MCMDC2: variants seen among roughly 807,000 people sequenced by gnomAD.
The protein encoded by MCMDC2 is minichromosome maintenance domain containing 2, also known as minichromosome maintenance domain-containing protein 2.
In MCMDC2, 54 loss-of-function variants were observed where a neutral mutation model predicts 75.8. The observed-to-expected ratio is 0.71, with a 90% CI of 0.57 to 0.89. The LOEUF (loss-of-function observed/expected upper bound fraction) is 0.89, where lower values mean the gene tolerates loss of function less well. MCMDC2 is among the 40% of genes least tolerant of loss of function. The pLI is 0.00. For missense variants in MCMDC2, 656 were observed against 780.4 expected, an observed-to-expected ratio of 0.84 and a Z score of 1.90; for synonymous variants, 249 against 274.6, an observed-to-expected ratio of 0.91 and a Z score of 0.92.
intron 7 of MCMDC2, among the ~76,000 whole-genome samples, chr8:66,880,260 G>A (rs1332263979): frequency 2.0e-5 from 3 of 152,120 alleles, no homozygotes; most frequent in African/African-American, 7.2e-5. Flanking sequence ...TGGGCATGGT[G>A]GTTTACACCT....
At chr8:66,924,933 G>A (rs554293781), downstream of MCMDC2, among the ~76,000 whole-genome samples, 1 of 152,284 alleles carries the variant, frequency 6.6e-6, no homozygotes, top group Admixed American at 6.5e-5. Flanking sequence ...CAGTTTCAAA[G>A]CCACTCACAA....
Position 66,880,960 on chromosome 8 carries a change from T to C in MCMDC2, c.821T>C (p.Phe274Ser). ...AVCIEANSITFCNSKVPSGIS... is the reference protein window; with the variant it reads ...AVCIEANSITSCNSKVPSGIS... ...TGTATAGAAGCAAATAGCATAACTT[T>C]TTGTAATTCAAAAGGTAAGGAAAAT... The change falls in exon 8 of 15, where the codon TTT (phenylalanine) becomes TCT (serine). Residue 274 changes from phenylalanine to serine, a missense_variant. Coordinates refer to ENST00000422365, the MANE Select transcript of MCMDC2 (RefSeq NM_173518.5). 6.6e-7 allele frequency: 1 copy of C among 1,517,294 alleles called. No homozygotes were observed. The highest frequency in any genetic ancestry group is 8.8e-7 in the Non-Finnish European group (1 of 1,137,494). The allele number at this position is 1,517,294 out of a possible 1,614,324, so 94.0% of individuals were successfully genotyped here. A position where few individuals can be genotyped will look rare whatever the true frequency, so the allele number is the denominator to read the frequency against.
chr8:66,892,058 G>C (rs1008891425), intron 10 of MCMDC2, among the ~76,000 whole-genome samples: 1 of 152,194 alleles, frequency 6.6e-6, no homozygotes, highest in Admixed American at 6.5e-5. Flanking sequence ...GCAGATGGTG[G>C]GGCACATGTT....
chr8:66,896,922 C>T lies in MCMDC2; in HGVS notation c.1589C>T (p.Ala530Val), dbSNP rs142662778. The T allele has an allele frequency of 5.7e-4, 911 of 1,610,706 alleles. 2 individuals carry two copies. The highest frequency in any genetic ancestry group is 5.1e-4 in the South Asian group (46 of 90,592). ...KAINPEGLFY[A>V]ASRQFTTEDF... ...ATTAATCCTGAAGGGCTGTTTTATG[C>T]GGCTTCTAGACAGTTCACAACTGAA... Residue 530 changes from alanine (A) to valine (V), a missense_variant, in exon 12 of 15, where the codon GCG becomes GTG. Ala to Val is a moderately conservative substitution (Grantham distance 64, BLOSUM62 0). Coordinates refer to ENST00000422365, the MANE Select transcript of MCMDC2 (RefSeq NM_173518.5).
intron 14 of MCMDC2, among the ~76,000 whole-genome samples, chr8:66,908,560 A>G (rs946032960): frequency 2.0e-5 from 3 of 152,146 alleles, no homozygotes; most frequent in Non-Finnish European, 2.9e-5. Context: ...TGAATTGAAG[A>G]ATTATAGTAT....
In MCMDC2 at chr8:66,877,412, G is replaced by A; in HGVS notation, c.349G>A (p.Glu117Lys). ...PLPSYGLDLC[E>K]FPLDYTSQRF... is the part of the protein sequence containing the mutation. Reference sequence around the variant, plus strand: ...GCCAAGTTATGGTCTTGATCTTTGTGAGTTTCCACTTGATTATACATCTCA... The same window carrying A: ...GCCAAGTTATGGTCTTGATCTTTGTAAGTTTCCACTTGATTATACATCTCA... Residue 117 changes from glutamate (E) to lysine (K), a missense_variant, in exon 5 of 15, where the codon GAG becomes AAG. By Grantham distance (56) the Glu-to-Lys change is moderately conservative (BLOSUM62 1). Coordinates refer to ENST00000422365, the MANE Select transcript of MCMDC2 (RefSeq NM_173518.5). 6.2e-7 allele frequency: 1 copy of A among 1,613,186 alleles called. No homozygotes were observed. Among genetic ancestry groups the A allele is most frequent in the Non-Finnish European group, 8.5e-7 (1 of 1,179,566 alleles).
At chr8:66,876,131 T>C (rs1481137499) in intron 4 of MCMDC2, among the ~76,000 whole-genome samples, 1 of 152,244 alleles carries the variant, frequency 6.6e-6, no homozygotes, top group Non-Finnish European at 1.5e-5. Flanking sequence ...TTTCACCTAA[T>C]GGTTTTAGCA....
Position 66,883,152 on chromosome 8 carries a change from AGT to A in MCMDC2, c.836-603_836-602del, listed in dbSNP as rs563173888. Among the ~76,000 whole-genome samples the A allele has an allele frequency of 2.1e-3, 321 of 152,334 alleles. 1 individual carries two copies. The highest frequency in any genetic ancestry group is 0.017 in the South Asian group (84 of 4,828). ...CACTCATTCCTTTCAGGAGGTGGAG[AGT>A]GAGAGGATGGAGAAGATCTAGAATT... On this transcript the variant is annotated intron_variant, in intron 8 of 14. Coordinates refer to ENST00000422365, the MANE Select transcript of MCMDC2 (RefSeq NM_173518.5).
At chr8:66,884,045 A>G (rs370973482) in intron 9 of MCMDC2, 51 bp downstream of exon 9, 29 of 1,163,268 alleles carry the variant, frequency 2.5e-5, no homozygotes, top group Non-Finnish European at 3.2e-5. Flanking sequence ...ACAGATTTGC[A>G]TACATCCTTT....
intron 10 of MCMDC2, among the ~76,000 whole-genome samples, chr8:66,891,483 C>A (rs1812104564): frequency 6.6e-6 from 1 of 152,166 alleles, no homozygotes; most frequent in South Asian, 2.1e-4. Flanking sequence ...CGTGGAAGTT[C>A]TTCTCTATTC....
At chr8:66,918,004 A>G (rs1411847517) in intron 14 of MCMDC2, among the ~76,000 whole-genome samples, 1 of 152,082 alleles carries the variant, frequency 6.6e-6, no homozygotes, top group Non-Finnish European at 1.5e-5. Flanking sequence ...TGGGTGCACC[A>G]TTTTCCATTC....
chr8:66,907,919 GT>G (rs1018589601), intron 14 of MCMDC2, among the ~76,000 whole-genome samples: 1 of 151,690 alleles, frequency 6.6e-6, no homozygotes, highest in African/African-American at 2.4e-5. Context: ...TTTTGATGGG[GT>G]TTTTTTTCTT....
At position 66,921,250 on chromosome 8, in the gene MCMDC2, AGG is replaced by A. The variant is rs1441616081; in HGVS notation, c.*2085_*2086del. On this transcript the variant is annotated 3_prime_UTR_variant, in exon 15 of 15. Transcript: ENST00000422365. ...TTTTAAAGGTTATTGGAGAATTAGA[AGG>A]GGGTGGGGTGCAGGACGAAAAATTA... 2 of 152,182 alleles carry A rather than the reference AGG, an allele frequency of 1.3e-5. No homozygotes were observed. The highest frequency in any genetic ancestry group is 2.9e-5 in the Non-Finnish European group (2 of 68,050). The allele number at this position is 152,182 out of a possible 1,614,324, so 9.4% of individuals were successfully genotyped here.
Position 66,874,359 on chromosome 8 carries a change from A to G in MCMDC2, c.128A>G (p.Lys43Arg), listed in dbSNP as rs1242599857. 1.2e-6 allele frequency: 2 copies of G among 1,612,806 alleles called. No homozygotes were observed. Among genetic ancestry groups the G allele is most frequent in the South Asian group, 2.2e-5 (2 of 90,480 alleles). The part of the protein sequence containing the change: ...SKQSYAVYRF[K>R]ILINPSDVVE... ...CAAAGCTATGCTGTCTATCGATTCA[A>G]AATTTTAATAAATCCCTCTGATGTT... Residue 43 changes from lysine (K) to arginine (R), a missense_variant, in exon 3 of 15, where the codon AAA becomes AGA. Transcript: ENST00000422365.
At chr8:66,914,225 A>G (rs1246284356) in intron 14 of MCMDC2, among the ~76,000 whole-genome samples, 8 of 149,522 alleles carry the variant, frequency 5.4e-5, no homozygotes, top group East Asian at 2.0e-4. Flanking sequence ...CAAGGCTGCA[A>G]TGAGCCATGA....
chr8:66,924,457 A>G (rs1382819859), downstream of MCMDC2, among the ~76,000 whole-genome samples: 2 of 151,946 alleles, frequency 1.3e-5, no homozygotes, highest in Non-Finnish European at 2.9e-5. Flanking sequence ...CCAGATGGTG[A>G]AACCCCGTCT....
intron 8 of MCMDC2, among the ~76,000 whole-genome samples, chr8:66,881,585 C>G (rs959781467): frequency 1.7e-4 from 26 of 152,134 alleles, no homozygotes; most frequent in African/African-American, 6.3e-4. Context: ...ACTTGGGAGG[C>G]TGAGGCAGGA....
intron 10 of MCMDC2, among the ~76,000 whole-genome samples, chr8:66,895,053 T>C (rs1812283191): frequency 6.6e-6 from 1 of 152,196 alleles, no homozygotes; most frequent in African/African-American, 2.4e-5. Flanking sequence ...GATACCAAAA[T>C]CCACAGATGC....
At chr8:66,889,755 C>T (rs1375862856) in intron 9 of MCMDC2, among the ~76,000 whole-genome samples, 2 of 152,158 alleles carry the variant, frequency 1.3e-5, no homozygotes, top group Non-Finnish European at 2.9e-5. Context: ...GAGATTGCTC[C>T]ATTGCACTCC....
Sources: allele counts gnomAD v4.1 joint callset (sites outside exome capture counted in the v4.1 genomes callset), GRCh38; gene constraint gnomAD v4.1.1; transcripts MANE v1.5; gene names NCBI Gene and HGNC (gene_info 2026-07-23, HGNC 2026-07-21).